Variants in MYO1D observed in about 807,000 individuals in gnomAD.
MYO1D encodes the protein unconventional myosin-Id.
MYO1D carries 83 observed loss-of-function variants against 122.0 expected under a neutral mutation model. The ratio of observed to expected loss-of-function variants is 0.68; its 90% CI spans 0.57 to 0.82. MYO1D has a LOEUF of 0.82. Ranked by LOEUF, MYO1D falls within the 40% of genes least tolerant of loss-of-function variation. MYO1D has a pLI of 0.00. For synonymous variants in MYO1D, 464 were observed against 446.9 expected, an observed-to-expected ratio of 1.04 and a Z score of -0.48; for missense variants, 1,157 against 1,269.5, an observed-to-expected ratio of 0.91 and a Z score of 1.35.
chr17:32,674,032 T>C (rs2088765505), intron 16 of MYO1D, among the ~76,000 whole-genome samples: 1 of 152,218 alleles, frequency 6.6e-6, no homozygotes, highest in Admixed American at 6.5e-5. Flanking sequence ...CTATGACTAA[T>C]TCCTTAAAAG....
chr17:32,574,228 C>T (rs1201039064), intron 21 of MYO1D, among the ~76,000 whole-genome samples: 1 of 151,706 alleles, frequency 6.6e-6, no homozygotes, highest in Non-Finnish European at 1.5e-5. Context: ...ATACTTATCT[C>T]TCCGTACTTT....
At chr17:32,865,789 G>C (rs1333318294) in intron 1 of MYO1D, among the ~76,000 whole-genome samples, 1 of 152,150 alleles carries the variant, frequency 6.6e-6, no homozygotes, top group Non-Finnish European at 1.5e-5. Flanking sequence ...ATACAAACTG[G>C]GATATCTTCA....
intron 1 of MYO1D, among the ~76,000 whole-genome samples, chr17:32,793,074 T>A (rs539651920): frequency 1.8e-4 from 28 of 152,240 alleles, no homozygotes; most frequent in Admixed American, 1.2e-3. Flanking sequence ...AAAGATGCTT[T>A]GTTTTGACCT....
chr17:32,771,076 T>C (rs193091935), intron 6 of MYO1D, 49 bp downstream of exon 6: 296 of 1,393,422 alleles, frequency 2.1e-4, no homozygotes, highest in Non-Finnish European at 2.8e-4. Context: ...TCTCTTCTAA[T>C]CCTTTGACTG....
chr17:32,788,546 G>A (rs1286427899), intron 1 of MYO1D, among the ~76,000 whole-genome samples: 1 of 152,042 alleles, frequency 6.6e-6, no homozygotes, highest in African/African-American at 2.4e-5. Context: ...TTCCCCAGTT[G>A]TCAAAAATCA....
intron 16 of MYO1D, among the ~76,000 whole-genome samples, chr17:32,708,219 A>G (rs1233581686): frequency 2.0e-5 from 3 of 152,338 alleles, no homozygotes; most frequent in East Asian, 1.9e-4. Flanking sequence ...AAAGTTGATC[A>G]TAGAAATACA....
intron 1 of MYO1D, among the ~76,000 whole-genome samples, chr17:32,826,669 C>T (rs918456363): frequency 6.6e-6 from 1 of 152,206 alleles, no homozygotes; most frequent in African/African-American, 2.4e-5. Flanking sequence ...ATCTTCCACA[C>T]TCTTGTGATA....
At chr17:32,791,038 C>T (rs58934606) in intron 1 of MYO1D, among the ~76,000 whole-genome samples, 5,925 of 152,174 alleles carry the variant, frequency 0.039, 353 homozygotes, top group African/African-American at 0.13. Flanking sequence ...ACTTTCACTG[C>T]ACCCATCTGG....
chr17:32,651,444 T>G (rs1403201324), intron 19 of MYO1D, among the ~76,000 whole-genome samples: 2 of 152,214 alleles, frequency 1.3e-5, no homozygotes, highest in African/African-American at 4.8e-5. Context: ...CTCTCACTGT[T>G]GAAAAGCTCT....
At chr17:32,839,380 C>T (rs1230931369) in intron 1 of MYO1D, among the ~76,000 whole-genome samples, 1 of 152,124 alleles carries the variant, frequency 6.6e-6, no homozygotes, top group Admixed American at 6.5e-5. Context: ...TAATTGTAAC[C>T]TATAGTGGCA....
intron 20 of MYO1D, among the ~76,000 whole-genome samples, chr17:32,608,210 T>C (rs2087653979): frequency 6.6e-6 from 1 of 152,212 alleles, no homozygotes; most frequent in South Asian, 2.1e-4. Context: ...AGCCACAGAC[T>C]GGTAGAAAAT....
chr17:32,556,568 T>TTTTA (rs368557301), intron 21 of MYO1D, among the ~76,000 whole-genome samples: 1 of 150,094 alleles, frequency 6.7e-6, no homozygotes, highest in African/African-American at 2.5e-5. Flanking sequence ...TTTTTTTTTT[T>TTTTA]AAGATGGGAT....
intron 10 of MYO1D, 81 bp from the exon 11 acceptor site, chr17:32,755,743 G>A (rs2089941321): frequency 3.1e-6 from 4 of 1,278,808 alleles, no homozygotes; most frequent in East Asian, 5.1e-5. Flanking sequence ...ATTTGTATCA[G>A]GAGTTCAGGT....
At chr17:32,754,835 A>G (rs2089930928) in intron 11 of MYO1D, among the ~76,000 whole-genome samples, 2 of 140,902 alleles carry the variant, frequency 1.4e-5, no homozygotes, top group Admixed American at 1.3e-4. Flanking sequence ...TATTCCATGC[A>G]AATGGAATAT....
intron 21 of MYO1D, among the ~76,000 whole-genome samples, chr17:32,548,717 T>A (rs937796034): frequency 2.6e-5 from 1 of 38,606 alleles, no homozygotes; most frequent in African/African-American, 1.1e-4. Flanking sequence ...TTTTTTGGTC[T>A]TTTTTTTTTT....
chr17:32,824,874 C>G (rs1937426832), intron 1 of MYO1D, among the ~76,000 whole-genome samples: 1 of 152,134 alleles, frequency 6.6e-6, no homozygotes, highest in Admixed American at 6.5e-5. Context: ...GCTGGCTGTC[C>G]AAATGCTTGC....
At chr17:32,783,326 C>G (rs760307525) in intron 1 of MYO1D, among the ~76,000 whole-genome samples, 4 of 151,986 alleles carry the variant, frequency 2.6e-5, no homozygotes, top group Non-Finnish European at 4.4e-5. Flanking sequence ...ACTAATAGAC[C>G]ATTATGCTCT....
Position 32,669,895 on chromosome 17 carries a change from C to CTTTTTT in MYO1D, c.2122-10563_2122-10558dup, listed in dbSNP as rs151075296. 3.5e-5 allele frequency among the ~76,000 whole-genome samples: 5 copies of CTTTTTT among 143,828 alleles called. 1 individual carries two copies. The highest frequency in any genetic ancestry group is 3.1e-5 in the Non-Finnish European group (2 of 65,236). The allele number at this position is 143,828 out of a possible 152,430, so 94.4% of individuals were successfully genotyped here. A position where few individuals can be genotyped will look rare whatever the true frequency, so the allele number is the denominator to read the frequency against. ...TTGTCAGGAAAGACATTTTCTTTTT[C>CTTTTTT]TTTTTTCTTTTTTTTCAGGTGGAGT... On this transcript the variant is annotated intron_variant, in intron 16 of 21. Coordinates refer to ENST00000318217, the MANE Select transcript of MYO1D (RefSeq NM_015194.3).
intron 21 of MYO1D, among the ~76,000 whole-genome samples, chr17:32,586,729 T>C (rs2087389389): frequency 6.6e-6 from 1 of 152,228 alleles, no homozygotes; most frequent in Non-Finnish European, 1.5e-5. Context: ...TTACATATAA[T>C]TTTTGCATCT....
Sources: allele counts gnomAD v4.1 joint callset (sites outside exome capture counted in the v4.1 genomes callset), GRCh38; gene constraint gnomAD v4.1.1; transcripts MANE v1.5; gene names NCBI Gene and HGNC (gene_info 2026-07-23, HGNC 2026-07-21).